The following KIF26A variants were observed in gnomAD, a reference collection of about 807,000 sequenced individuals.
The protein encoded by KIF26A is kinesin-like protein KIF26A.
Under a neutral mutation model 126.0 loss-of-function variants are expected in KIF26A, and 74 were observed. That is an observed-to-expected ratio of 0.59 (90% confidence interval 0.49 to 0.71). KIF26A has a LOEUF of 0.71. KIF26A is among the 30% of genes least tolerant of loss of function. The probability of loss-of-function intolerance (pLI) is 0.00; values close to 1 mark genes in which losing one functional copy is unlikely to be tolerated. For synonymous variants in KIF26A, 1,445 were observed against 1,232.7 expected (o/e 1.17, Z -3.61); for missense variants, 2,984 against 2,763.3 (o/e 1.08, Z -1.79).
chr14:104,173,288 C>A, intron 8 of KIF26A, 42 bp from the exon 9 acceptor site: 1 of 1,601,136 alleles, frequency 6.2e-7, no homozygotes, highest in Non-Finnish European at 8.5e-7. Flanking sequence ...TGCACTTGGC[C>A]CTGAGCCACT....
Position 104,173,470 on chromosome 14 carries a change from G to A in KIF26A, c.1824G>A (p.Leu608=). Reference sequence around the variant, plus strand: ...GCAGCTCCCACATGTTGTTCACGCTGCACGTCTACCAGTACCGCATGGAGA... The same window carrying A: ...GCAGCTCCCACATGTTGTTCACGCTACACGTCTACCAGTACCGCATGGAGA... ...ARRSSHMLFT[L]HVYQYRMEKC... The change falls in exon 9 of 15, where the codon CTG becomes CTA. Residue 608 remains leucine, a synonymous_variant. Coordinates refer to ENST00000423312, the MANE Select transcript of KIF26A (RefSeq NM_015656.2). 6.3e-7 allele frequency: 1 copy of A among 1,587,128 alleles called. No individual in the cohort carries two copies. Among genetic ancestry groups the A allele is most frequent in the Non-Finnish European group, 8.6e-7 (1 of 1,163,934 alleles).
Position 104,139,280 on chromosome 14 carries a change from A to T in KIF26A, c.280A>T (p.Thr94Ser). The T allele has an allele frequency of 6.6e-7, 1 of 1,508,836 alleles. No individual in the cohort carries two copies. Among genetic ancestry groups the T allele is most frequent in the Non-Finnish European group, 8.9e-7 (1 of 1,128,396 alleles). 93.5% of individuals were successfully genotyped at this position (1,508,836 alleles called of 1,614,324 possible). A position where few individuals can be genotyped will look rare whatever the true frequency, so the allele number is the denominator to read the frequency against. The change falls in exon 2 of 15, where the codon ACC (threonine) becomes TCC (serine). Residue 94 changes from threonine to serine, a missense_variant. Thr to Ser is a moderately conservative substitution (Grantham distance 58). Coordinates refer to ENST00000423312, the MANE Select transcript of KIF26A (RefSeq NM_015656.2). Reference protein sequence around the residue: ...AWKLVSGPGTTLRDPCLSALL... With the variant: ...AWKLVSGPGTSLRDPCLSALL... ...GAAGCTGGTCAGCGGGCCCGGGACC[A>T]CCCTCCGGGTAAGTGACACTTCCTT...
intron 2 of KIF26A, among the ~76,000 whole-genome samples, chr14:104,145,850 G>A (rs565354966): frequency 1.6e-4 from 24 of 152,158 alleles, no homozygotes; most frequent in Middle Eastern, 3.4e-3. Flanking sequence ...TCCTGCTCTC[G>A]TCCCTAGGGC....
chr14:104,175,441 T>C lies in KIF26A; in HGVS notation c.2653T>C (p.Ser885Pro). ...GAAGCCCTCGCCACCAGAGGCTGCA[T>C]CCCCCAGGAAGGCCGTGGGCACCCC... ...GRKPSPPEAA[S>P]PRKAVGTPMA... Residue 885 changes from serine to proline, a missense_variant, in exon 12 of 15, where the codon TCC (serine) becomes CCC (proline). Transcript: ENST00000423312. The C allele has an allele frequency of 6.3e-7, 1 of 1,592,164 alleles. No homozygotes were observed.
In KIF26A at chr14:104,139,069, G is replaced by A. The variant is rs966009685; in HGVS notation, c.69G>A (p.Glu23=). Residue 23 remains glutamate (E), a synonymous_variant, in exon 2 of 15, where the codon GAG becomes GAA. Transcript: ENST00000423312. ...PAVAEGGPAR[E]PPPLLEVSPR... Reference sequence around the variant, plus strand: ...TGGCCGAGGGCGGCCCGGCCCGCGAGCCGCCGCCGCTGCTGGAGGTGTCCC... The same window carrying A: ...TGGCCGAGGGCGGCCCGGCCCGCGAACCGCCGCCGCTGCTGGAGGTGTCCC... 56 of 1,386,810 alleles carry A rather than the reference G, an allele frequency of 4.0e-5. 1 individual carries two copies. In the African/African-American group the frequency reaches 8.0e-4, roughly 20 times the overall value. 85.9% of individuals were successfully genotyped at this position (1,386,810 alleles called of 1,614,324 possible).
In KIF26A at chr14:104,177,338, T is replaced by C; in HGVS notation, c.4550T>C (p.Leu1517Pro). ...GSRALGPSVK[L>P]STASVTGRSP... ...CGGGCTCTGGGGCCTTCGGTGAAGC[T>C]GTCTACGGCCTCTGTGACGGGCAGG... Residue 1517 changes from leucine to proline, a missense_variant, in exon 12 of 15, where the codon CTG (leucine) becomes CCG (proline). Physicochemically the swap from Leu to Pro is moderately conservative, Grantham distance 98. Coordinates refer to ENST00000423312, the MANE Select transcript of KIF26A (RefSeq NM_015656.2). 1 of 1,512,340 alleles carries C rather than the reference T, an allele frequency of 6.6e-7. No homozygotes were observed. Among genetic ancestry groups the C allele is most frequent in the Non-Finnish European group, 8.8e-7 (1 of 1,133,648 alleles). The allele number at this position is 1,512,340 out of a possible 1,614,324, so 93.7% of individuals were successfully genotyped here. A position where few individuals can be genotyped will look rare whatever the true frequency, so the allele number is the denominator to read the frequency against.
chr14:104,176,692 C>T lies in KIF26A; in HGVS notation c.3904C>T (p.Arg1302Trp), dbSNP rs137995213. 5.3e-5 allele frequency: 84 copies of T among 1,590,646 alleles called. No individual in the cohort carries two copies. Among genetic ancestry groups the T allele is most frequent in the South Asian group, 3.4e-4 (30 of 88,738 alleles). Residue 1302 changes from arginine to tryptophan, a missense_variant, in exon 12 of 15, where the codon CGG becomes TGG. Coordinates refer to ENST00000423312, the MANE Select transcript of KIF26A (RefSeq NM_015656.2). ...GGCCCGCAGGCCAGAGGCTGTGGCT[C>T]GGATCCCACCGCTGCGGAGGGGTGC... Reference protein sequence around the residue: ...RAARRPEAVARIPPLRRGATT... With the variant: ...RAARRPEAVAWIPPLRRGATT...
chr14:104,166,768 C>T (rs968532544), intron 4 of KIF26A, 91 bp from the exon 5 acceptor site: 2 of 1,251,468 alleles, frequency 1.6e-6, no homozygotes, highest in Non-Finnish European at 2.2e-6. Context: ...TGATGAAGTC[C>T]CAGGGTGGGA....
chr14:104,165,469 GGGCCTC>G (rs2037881541), intron 4 of KIF26A, among the ~76,000 whole-genome samples: 1 of 149,822 alleles, frequency 6.7e-6, no homozygotes, highest in African/African-American at 2.5e-5. Context: ...GTGTGTGTGT[GGGCCTC>G]TGTGTATGTT....
chr14:104,172,974 C>T lies in KIF26A; in HGVS notation c.1421-3C>T. ...TGGGGCCTGACGCCTGCGTGGCCCC[C>T]AGGCAAGTCGTACACCATGATCGGG... On this transcript the variant is annotated splice_region_variant and splice_polypyrimidine_tract_variant and intron_variant, in intron 7 of 14. Coordinates refer to ENST00000423312, the MANE Select transcript of KIF26A (RefSeq NM_015656.2). 6.3e-7 allele frequency: 1 copy of T among 1,585,314 alleles called. No homozygotes were observed.
Position 104,175,021 on chromosome 14 carries a change from GA to G in KIF26A, c.2235del (p.Gly746AlafsTer76). On this transcript the variant is annotated frameshift_variant, in exon 12 of 15. Transcript: ENST00000423312. LOFTEE classifies it high-confidence loss of function. The stretch of plus-strand genomic sequence containing the variant: ...CTCTGGCGGGGAGAGCTCCTGTGAG[GA>G]AGGCCGGGCCCGTCGGCCCCCGCAC... ...SSSGGESSCE[E>X]GRARRPPHLR... is the part of the protein sequence containing the mutation. 1.3e-6 allele frequency: 2 copies of G among 1,557,928 alleles called. No individual in the cohort carries two copies. Among genetic ancestry groups the G allele is most frequent in the Admixed American group, 1.9e-5 (1 of 53,548 alleles).
At chr14:104,157,636 G>A (rs1261221118) in intron 3 of KIF26A, 119 bp from the exon 4 acceptor site, 3 of 1,097,894 alleles carry the variant, frequency 2.7e-6, no homozygotes, top group Admixed American at 6.3e-5. Flanking sequence ...GGGGTGCAGA[G>A]CCCCCAGGAA....
Position 104,178,765 on chromosome 14 carries a change from T to A in KIF26A, c.5316+10T>A. 6.8e-7 allele frequency: 1 copy of A among 1,459,956 alleles called. No individual in the cohort carries two copies. The allele number at this position is 1,459,956 out of a possible 1,614,324, so 90.4% of individuals were successfully genotyped here. A position where few individuals can be genotyped will look rare whatever the true frequency, so the allele number is the denominator to read the frequency against. ...GGAGGCCCCCACCCAGGTAGGGCCT[T>A]TGGTGGGCTGGGGTCTATGACCCCT... On this transcript the variant is annotated intron_variant, in intron 13 of 14. Transcript: ENST00000423312.
chr14:104,153,919 A>G (rs903013890), intron 3 of KIF26A, among the ~76,000 whole-genome samples: 3 of 152,154 alleles, frequency 2.0e-5, no homozygotes, highest in African/African-American at 7.2e-5. Context: ...ATGGCACACC[A>G]TGAACATTTA....
chr14:104,152,109 G>A lies in KIF26A; in HGVS notation c.383G>A (p.Cys128Tyr), dbSNP rs750110110. ...RPEAERRCDV[C>Y]ATHLQQLTRE... is the part of the protein sequence containing the mutation. ...GAGGCCGAGCGCCGCTGTGACGTCT[G>A]CGCCACACACCTGCAGCAGCTCACA... Residue 128 changes from cysteine (C) to tyrosine (Y), a missense_variant, in exon 3 of 15, where the codon TGC becomes TAC. Transcript: ENST00000423312. The surrounding 1 kb of genome is among the most constrained non-coding windows in gnomAD (Gnocchi z 5.9). 56 of 1,612,274 alleles carry A rather than the reference G, an allele frequency of 3.5e-5. No individual in the cohort carries two copies. The highest frequency in any genetic ancestry group is 4.5e-5 in the Non-Finnish European group (53 of 1,179,756).
At chr14:104,173,959 C>T in intron 10 of KIF26A, 91 bp downstream of exon 10, 2 of 1,463,902 alleles carry the variant, frequency 1.4e-6, no homozygotes, top group Non-Finnish European at 1.8e-6. Flanking sequence ...TGCTGTGGCC[C>T]CCAGCTCCTC....
At chr14:104,160,128 A>G (rs2037819795) in intron 4 of KIF26A, among the ~76,000 whole-genome samples, 1 of 152,206 alleles carries the variant, frequency 6.6e-6, no homozygotes, top group African/African-American at 2.4e-5. Flanking sequence ...CTGTGGAGGC[A>G]GCCTTAGATG....
chr14:104,173,225 G>A lies in KIF26A; in HGVS notation c.1669G>A (p.Val557Met), dbSNP rs554519192. 24 of 1,609,076 alleles carry A rather than the reference G, an allele frequency of 1.5e-5. No individual in the cohort carries two copies. The highest frequency in any genetic ancestry group is 1.5e-4 in the African/African-American group (11 of 74,968). The change falls in exon 8 of 15, where the codon GTG becomes ATG. Residue 557 changes from valine (V) to methionine (M), a missense_variant. By Grantham distance (21) the Val-to-Met change is conservative (BLOSUM62 1). Coordinates refer to ENST00000423312, the MANE Select transcript of KIF26A (RefSeq NM_015656.2). The part of the protein sequence containing the change: ...SPGVYLREDP[V>M]CGAQLQNQSE... ...GGGAGTGTACCTGCGGGAGGACCCC[G>A]TGTGTGGGGCGCAGGTGCGCCTGCC...
At position 104,147,260 on chromosome 14, in the gene KIF26A, C is replaced by T. The variant is rs538219008; in HGVS notation, c.289-4755C>T. On this transcript the variant is annotated intron_variant, in intron 2 of 14. Coordinates refer to ENST00000423312, the MANE Select transcript of KIF26A (RefSeq NM_015656.2). The stretch of plus-strand genomic sequence containing the variant: ...AACCCCAGATCCCAGTCATGGCATG[C>T]GATGGAGGACAGGGGAGGCCATTGA... Among the ~76,000 whole-genome samples, 11 of 152,288 alleles carry T rather than the reference C, an allele frequency of 7.2e-5. No homozygotes were observed. The East Asian group carries it at 1.7e-3, about 24-fold the overall frequency.
Sources: gnomAD v4.1 joint callset for allele counts (sites outside exome capture counted in the v4.1 genomes callset) on GRCh38, gnomAD v4.1.1 for gene constraint, Gnocchi (gnomAD v3.1) non-coding constraint, MANE v1.5 for transcripts, NCBI Gene and HGNC (gene_info 2026-07-23, HGNC 2026-07-21) for gene names.